Variants in GALNT13 observed in about 807,000 individuals in gnomAD.
GALNT13 encodes the protein polypeptide N-acetylgalactosaminyltransferase 13.
GALNT13 carries 28 observed loss-of-function variants against 64.2 expected under a neutral mutation model. The ratio of observed to expected loss-of-function variants is 0.44; its 90% confidence interval spans 0.32 to 0.60. The LOEUF is 0.60. Ranked by LOEUF, GALNT13 falls within the 20% of genes least tolerant of loss-of-function variation. The pLI is 0.05. For missense variants in GALNT13, 577 were observed against 669.8 expected (o/e 0.86, Z 1.53); for synonymous variants, 214 against 224.6 (o/e 0.95, Z 0.42).
chr2:153,606,319 C>G, the GALNT13 span, among the ~76,000 whole-genome samples: 1 of 151,988 alleles, frequency 6.6e-6, no homozygotes, highest in Non-Finnish European at 1.5e-5. Context: ...TTTCTGTAGC[C>G]TATTTCTGGC....
chr2:153,560,140 TA>T, the GALNT13 span, among the ~76,000 whole-genome samples: 1 of 152,024 alleles, frequency 6.6e-6, no homozygotes, highest in South Asian at 2.1e-4. Flanking sequence ...CATGTCTCCA[TA>T]AAGTACTGTC....
At chr2:153,763,652 G>A in the GALNT13 span, among the ~76,000 whole-genome samples, 161 of 152,238 alleles carry the variant, frequency 1.1e-3, no homozygotes, top group Middle Eastern at 6.8e-3. Flanking sequence ...TCCCTCATAT[G>A]TCTTTATTAG....
chr2:153,166,389 A>G, the GALNT13 span, among the ~76,000 whole-genome samples: 18 of 152,178 alleles, frequency 1.2e-4, no homozygotes, highest in Admixed American at 1.2e-3. Flanking sequence ...GGCTGCCTGT[A>G]TGGGTATAAT....
At chr2:154,240,278 A>G (rs1689411993) in intron 4 of GALNT13, among the ~76,000 whole-genome samples, 2 of 152,208 alleles carry the variant, frequency 1.3e-5, no homozygotes, top group Admixed American at 1.3e-4. Flanking sequence ...TGATTGCTTG[A>G]AAAGAAAAAT....
chr2:154,248,900 A>T (rs1689925016), intron 7 of GALNT13, among the ~76,000 whole-genome samples: 1 of 152,290 alleles, frequency 6.6e-6, no homozygotes, highest in South Asian at 2.1e-4. Flanking sequence ...AAATATATTT[A>T]TTGTAACAAA....
intron 3 of GALNT13, among the ~76,000 whole-genome samples, chr2:154,022,130 T>C (rs1357000400): frequency 6.6e-6 from 1 of 152,224 alleles, no homozygotes; most frequent in African/African-American, 2.4e-5. Context: ...GATTTTTGCA[T>C]CGATGTTCAT....
chr2:154,332,825 AAATG>A (rs1695239435), intron 9 of GALNT13, among the ~76,000 whole-genome samples: 1 of 152,164 alleles, frequency 6.6e-6, no homozygotes, highest in Admixed American at 6.6e-5. Flanking sequence ...TGATAAAAGC[AAATG>A]AATGAAGAAT....
intron 3 of GALNT13, among the ~76,000 whole-genome samples, chr2:153,995,516 T>A (rs1695463802): frequency 6.6e-6 from 1 of 152,176 alleles, no homozygotes; most frequent in Non-Finnish European, 1.5e-5. Context: ...ATTTTCTTTT[T>A]AAAAGTTTTT....
chr2:153,180,058 T>C, the GALNT13 span, among the ~76,000 whole-genome samples: 10 of 152,180 alleles, frequency 6.6e-5, no homozygotes, highest in African/African-American at 2.4e-4. Context: ...AAACTTCTAA[T>C]GCTATGCTGA....
At chr2:154,183,965 G>C (rs1328933933) in intron 4 of GALNT13, among the ~76,000 whole-genome samples, 1 of 151,778 alleles carries the variant, frequency 6.6e-6, no homozygotes, top group African/African-American at 2.4e-5. Flanking sequence ...AATTGTTATA[G>C]ACTCCACAGG....
At chr2:154,138,308 C>T (rs114899634) in intron 3 of GALNT13, among the ~76,000 whole-genome samples, 2,017 of 152,102 alleles carry the variant, frequency 0.013, 50 homozygotes, top group Admixed American at 0.054. Context: ...TCCTATTAAT[C>T]TGTATTATGC....
the GALNT13 span, among the ~76,000 whole-genome samples, chr2:153,391,840 A>C: frequency 6.6e-6 from 1 of 151,722 alleles, no homozygotes; most frequent in Admixed American, 6.6e-5. Context: ...AAATATAATT[A>C]TTTTAAAACT....
chr2:153,669,914 A>G, the GALNT13 span, among the ~76,000 whole-genome samples: 77,266 of 147,118 alleles, frequency 0.53, 20,174 homozygotes, highest in Middle Eastern at 0.67. Context: ...AGCCTTGCTC[A>G]CTGCTAGTGC....
At chr2:153,899,142 A>G (rs1450700618) in intron 1 of GALNT13, among the ~76,000 whole-genome samples, 1 of 152,212 alleles carries the variant, frequency 6.6e-6, no homozygotes, top group Non-Finnish European at 1.5e-5. Flanking sequence ...TGTATCAGTA[A>G]GCCAGATGTG....
chr2:153,179,468 T>C, the GALNT13 span, among the ~76,000 whole-genome samples: 1 of 152,192 alleles, frequency 6.6e-6, no homozygotes, highest in African/African-American at 2.4e-5. Flanking sequence ...CATATATAAT[T>C]TGAAATCAAA....
At chr2:154,204,071 C>A (rs1559022929) in intron 4 of GALNT13, among the ~76,000 whole-genome samples, 1 of 152,230 alleles carries the variant, frequency 6.6e-6, no homozygotes, top group East Asian at 1.9e-4. Context: ...AACACACAGG[C>A]CATAATTCTG....
chr2:154,364,642 G>GTTGTTTTGTT (rs10618298), intron 9 of GALNT13, among the ~76,000 whole-genome samples: 162 of 149,708 alleles, frequency 1.1e-3, no homozygotes, highest in Middle Eastern at 3.4e-3. Flanking sequence ...CTTCACTTTT[G>GTTGTTTTGTT]TTGTTTTGTT....
chr2:153,883,270 CAA>C (rs762883648), intron 1 of GALNT13, among the ~76,000 whole-genome samples: 1 of 151,380 alleles, frequency 6.6e-6, no homozygotes, highest in Non-Finnish European at 1.5e-5. Context: ...AAAAATGAAA[CAA>C]GATGGAAAAT....
intron 1 of GALNT13, among the ~76,000 whole-genome samples, chr2:153,873,490 G>C (rs1046734747): frequency 2.6e-5 from 4 of 152,204 alleles, no homozygotes; most frequent in Admixed American, 1.3e-4. Flanking sequence ...AACGGACAGT[G>C]AGCAGGCAAA....
Sources: gnomAD v4.1 joint callset for allele counts (sites outside exome capture counted in the v4.1 genomes callset) on GRCh38, gnomAD v4.1.1 for gene constraint, MANE v1.5 for transcripts, NCBI Gene and HGNC (gene_info 2026-07-23, HGNC 2026-07-21) for gene names.